The following SFRP1 variants were observed in gnomAD, a reference collection of about 807,000 sequenced individuals.
SFRP1 encodes the protein secreted frizzled-related protein 1.
A neutral mutation model predicts 25.9 loss-of-function variants in SFRP1; 9 were observed. That is an observed-to-expected ratio of 0.35 (90% CI 0.21 to 0.61). SFRP1 has a LOEUF of 0.61. Among genes scored for constraint, SFRP1 ranks in the 20% least tolerant of loss-of-function variants. The pLI is 0.78. For missense variants in SFRP1, 346 were observed against 418.2 expected (o/e 0.83, Z 1.51); for synonymous variants, 178 against 174.0 (o/e 1.02, Z -0.18).
At chr8:41,278,091 T>A (rs910996276) in intron 2 of SFRP1, among the ~76,000 whole-genome samples, 4 of 152,052 alleles carry the variant, frequency 2.6e-5, no homozygotes, top group African/African-American at 9.7e-5. Flanking sequence ...CGTCTAAACA[T>A]CCTAGAGGCC....
intron 2 of SFRP1, among the ~76,000 whole-genome samples, chr8:41,282,716 T>C (rs1439298409): frequency 1.3e-5 from 2 of 152,172 alleles, no homozygotes; most frequent in Admixed American, 6.5e-5. Context: ...TGTGAACACA[T>C]TGCCTTTTTG....
chr8:41,289,262 C>A (rs759185228), intron 2 of SFRP1, among the ~76,000 whole-genome samples: 1 of 152,206 alleles, frequency 6.6e-6, no homozygotes, highest in Non-Finnish European at 1.5e-5. Flanking sequence ...AGCTGGAGGA[C>A]ACTCACAGAT....
intron 2 of SFRP1, among the ~76,000 whole-genome samples, chr8:41,293,920 T>C (rs1428912739): frequency 6.7e-6 from 1 of 149,704 alleles, no homozygotes; most frequent in African/African-American, 2.5e-5. Flanking sequence ...CCACCATATC[T>C]GGCTACTTTT....
At chr8:41,267,128 G>A (rs1215862775) in intron 2 of SFRP1, among the ~76,000 whole-genome samples, 1 of 152,220 alleles carries the variant, frequency 6.6e-6, no homozygotes, top group Admixed American at 6.5e-5. Flanking sequence ...AGTCCTAATT[G>A]ATAAATCCAG....
intron 2 of SFRP1, among the ~76,000 whole-genome samples, chr8:41,296,717 A>C (rs890848178): frequency 5.9e-5 from 9 of 152,200 alleles, no homozygotes; most frequent in African/African-American, 2.2e-4. Context: ...AACAAAGTGA[A>C]GTAAAACAGC....
intron 2 of SFRP1, among the ~76,000 whole-genome samples, chr8:41,283,352 T>C (rs1377626766): frequency 6.6e-6 from 1 of 152,140 alleles, no homozygotes; most frequent in Non-Finnish European, 1.5e-5. Flanking sequence ...GGTCACATTC[T>C]CTGCATTAGA....
intron 2 of SFRP1, among the ~76,000 whole-genome samples, chr8:41,279,311 TAAC>T (rs903174498): frequency 1.3e-5 from 2 of 152,098 alleles, no homozygotes; most frequent in South Asian, 2.1e-4. Context: ...GCTTCAGCAC[TAAC>T]AACAACAGCA....
intron 2 of SFRP1, among the ~76,000 whole-genome samples, chr8:41,302,775 G>C (rs1389528799): frequency 6.6e-6 from 1 of 152,064 alleles, no homozygotes; most frequent in Non-Finnish European, 1.5e-5. Context: ...AAGGCCCCTG[G>C]CATCTCCCCC....
chr8:41,281,679 T>C (rs1284766526), intron 2 of SFRP1, among the ~76,000 whole-genome samples: 1 of 152,168 alleles, frequency 6.6e-6, no homozygotes, highest in Non-Finnish European at 1.5e-5. Context: ...CCATCCCTCA[T>C]ATACTGCACA....
intron 2 of SFRP1, among the ~76,000 whole-genome samples, chr8:41,266,365 A>C (rs1398183230): frequency 6.6e-6 from 1 of 152,200 alleles, no homozygotes; most frequent in Admixed American, 6.5e-5. Context: ...CCTATAACCC[A>C]ATTTACTCCA....
At chr8:41,306,221 A>G (rs1289392126) in intron 1 of SFRP1, among the ~76,000 whole-genome samples, 1 of 152,248 alleles carries the variant, frequency 6.6e-6, no homozygotes, top group Non-Finnish European at 1.5e-5. Flanking sequence ...TTAATAACAC[A>G]TGACCACAGA....
chr8:41,308,358 C>T (rs1043194699), intron 1 of SFRP1, among the ~76,000 whole-genome samples: 1 of 152,048 alleles, frequency 6.6e-6, no homozygotes, highest in African/African-American at 2.4e-5. Context: ...ACAGCGAGTC[C>T]CTGCGAGGCC....
At chr8:41,282,292 G>T (rs1045228964) in intron 2 of SFRP1, among the ~76,000 whole-genome samples, 7 of 152,250 alleles carry the variant, frequency 4.6e-5, no homozygotes, top group Admixed American at 3.9e-4. Context: ...AAGGTTGGGG[G>T]ATGGCTTGAG....
At chr8:41,308,132 T>G (rs1563369003) in intron 1 of SFRP1, among the ~76,000 whole-genome samples, 1 of 152,216 alleles carries the variant, frequency 6.6e-6, no homozygotes, top group South Asian at 2.1e-4. Flanking sequence ...CCTATGAAAA[T>G]AAACAAAAGC....
intron 2 of SFRP1, among the ~76,000 whole-genome samples, chr8:41,303,042 G>A (rs538612743): frequency 1.0e-4 from 15 of 143,722 alleles, no homozygotes; most frequent in African/African-American, 3.7e-4. Context: ...TGACACCTAG[G>A]GGTAGATGTT....
intron 2 of SFRP1, among the ~76,000 whole-genome samples, chr8:41,301,103 C>T (rs1803910661): frequency 6.6e-6 from 1 of 152,150 alleles, no homozygotes; most frequent in South Asian, 2.1e-4. Context: ...ACCACAGATG[C>T]AGTGGCAGGG....
At chr8:41,299,499 T>TAAAAAAA (rs576175856) in intron 2 of SFRP1, among the ~76,000 whole-genome samples, 4 of 56,068 alleles carry the variant, frequency 7.1e-5, no homozygotes, top group African/African-American at 3.4e-4. Flanking sequence ...TTCTCCTTTA[T>TAAAAAAA]AAAAAAAAAA....
intron 2 of SFRP1, among the ~76,000 whole-genome samples, chr8:41,288,503 G>A (rs983387326): frequency 8.0e-6 from 1 of 124,570 alleles, no homozygotes; most frequent in Non-Finnish European, 1.6e-5. Context: ...TGCCACCGCA[G>A]TCCAGCCTGG....
chr8:41,289,480 G>A (rs1333963203), intron 2 of SFRP1, among the ~76,000 whole-genome samples: 1 of 152,310 alleles, frequency 6.6e-6, no homozygotes, highest in African/African-American at 2.4e-5. Context: ...CTGAGCCACC[G>A]AGTGCTTCAG....
Sources: gnomAD v4.1 joint callset for allele counts (sites outside exome capture counted in the v4.1 genomes callset) on GRCh38, gnomAD v4.1.1 for gene constraint, MANE v1.5 for transcripts, NCBI Gene and HGNC (gene_info 2026-07-23, HGNC 2026-07-21) for gene names.